Variants in ETV3L observed in about 807,000 individuals in gnomAD.
ETV3L encodes the protein ETS translocation variant 3-like protein.
ETV3L carries 30 observed loss-of-function variants against 27.6 expected under a neutral mutation model. The ratio of observed to expected loss-of-function variants is 1.09; its 90% CI spans 0.81 to 1.48. The LOEUF (loss-of-function observed/expected upper bound fraction) is 1.48. ETV3L is among the 40% of genes most tolerant of loss of function. The pLI, the probability that ETV3L is intolerant of heterozygous loss-of-function variation, is 0.00. For synonymous variants in ETV3L, 186 were observed against 188.9 expected, an observed-to-expected ratio of 0.98 and a Z score of 0.12; for missense variants, 443 against 455.6, an observed-to-expected ratio of 0.97 and a Z score of 0.25.
intron 3 of ETV3L, among the ~76,000 whole-genome samples, 195 bp downstream of exon 3, chr1:157,098,511 C>G (rs1354992527): frequency 1.3e-5 from 2 of 152,176 alleles, no homozygotes; most frequent in Non-Finnish European, 2.9e-5. Context: ...AGGAGCCACC[C>G]TTTCTCACAG....
At chr1:157,097,830 T>G in intron 4 of ETV3L, 38 bp downstream of exon 4, 15 of 1,610,538 alleles carry the variant, frequency 9.3e-6, no homozygotes, top group Non-Finnish European at 1.3e-5. Flanking sequence ...CTCCTCTGGC[T>G]AAGATCCCCC....
chr1:157,092,666 G>A lies in ETV3L; in HGVS notation c.1069C>T (p.Pro357Ser). ...CTCTCTAGTTAAGGAGGATCCAAGGGCCACACTGCTTTGAGGTTCTCCAGA... is the reference window on the plus strand; with the variant it reads ...CTCTCTAGTTAAGGAGGATCCAAGGACCACACTGCTTTGAGGTTCTCCAGA... ...PNLENLKAVWPLDPP is the reference protein window; with the variant it reads ...PNLENLKAVWSLDPP The change falls in exon 5 of 5, where the codon CCC (proline) becomes TCC (serine). Residue 357 changes from proline (P) to serine (S), a missense_variant. Pro to Ser is a moderately conservative substitution (Grantham distance 74, BLOSUM62 -1). Coordinates refer to ENST00000454449, the MANE Select transcript of ETV3L (RefSeq NM_001004341.2). 6.2e-7 allele frequency: 1 copy of A among 1,609,508 alleles called. No homozygotes were observed.
intron 1 of ETV3L, 31 bp from the exon 2 acceptor site, chr1:157,099,409 G>T: frequency 6.2e-7 from 1 of 1,614,022 alleles, no homozygotes; most frequent in Non-Finnish European, 8.5e-7. Flanking sequence ...GAGGGCTCTG[G>T]AGGCCCTGCC....
At chr1:157,096,164 GAGCTA>G (rs1421448004) in intron 4 of ETV3L, among the ~76,000 whole-genome samples, 1 of 152,114 alleles carries the variant, frequency 6.6e-6, no homozygotes, top group Non-Finnish European at 1.5e-5. Context: ...TACTCCCTCT[GAGCTA>G]AGCTGACACT....
chr1:157,094,585 C>A (rs1332226323), intron 4 of ETV3L, among the ~76,000 whole-genome samples: 2 of 152,202 alleles, frequency 1.3e-5, no homozygotes. Context: ...ATCAACCCAA[C>A]TTAGTCACAT....
chr1:157,097,038 GCCTGACACCTGTTT>G lies in ETV3L; in HGVS notation c.607+816_607+829del, dbSNP rs761331650. On this transcript the variant is annotated intron_variant, in intron 4 of 4. Coordinates refer to ENST00000454449, the MANE Select transcript of ETV3L (RefSeq NM_001004341.2). ...TAGCATGGCTTGTGCGGCCTCTGTG[GCCTGACACCTGTTT>G]GCCTTGCCAGCCCTGTCTCTCATCC... Among the ~76,000 whole-genome samples the G allele has an allele frequency of 5.3e-4, 81 of 152,240 alleles. 1 individual carries two copies. Among genetic ancestry groups the G allele is most frequent in the South Asian group, 1.0e-3 (5 of 4,814 alleles).
Position 157,099,666 on chromosome 1 carries a change from A to G in ETV3L, c.-143T>C. The G allele has an allele frequency of 9.7e-6, 7 of 719,348 alleles. No homozygotes were observed. The highest frequency in any genetic ancestry group is 1.4e-5 in the Non-Finnish European group (6 of 427,006). 44.6% of individuals were successfully genotyped at this position (719,348 alleles called of 1,614,324 possible). On this transcript the variant is annotated 5_prime_UTR_variant, in exon 1 of 5. Coordinates refer to ENST00000454449, the MANE Select transcript of ETV3L (RefSeq NM_001004341.2). ...AAAGAAGGAAGGAAGGGAGAGGGTC[A>G]GGAAAGAAAGAGAGAAAAGGGAAGG...
At position 157,092,775 on chromosome 1, in the gene ETV3L, T is replaced by G; in HGVS notation, c.960A>C (p.Ala320=). ...CCTCCCTGGGATCCAGGCCTCCCTTTGCCTCCATCATGGGAGCAGGCTTTA... is the reference window on the plus strand; with the variant it reads ...CCTCCCTGGGATCCAGGCCTCCCTTGGCCTCCATCATGGGAGCAGGCTTTA... ...LEVKPAPMME[A]KGGLDPREVF... is the part of the protein sequence containing the mutation. Residue 320 remains alanine, a synonymous_variant, in exon 5 of 5, where the codon GCA becomes GCC. Coordinates refer to ENST00000454449, the MANE Select transcript of ETV3L (RefSeq NM_001004341.2). 1 of 1,614,170 alleles carries G rather than the reference T, an allele frequency of 6.2e-7. No individual in the cohort carries two copies. The highest frequency in any genetic ancestry group is 8.5e-7 in the Non-Finnish European group (1 of 1,180,010).
Position 157,092,292 on chromosome 1 carries a change from C to T in ETV3L, c.*357G>A. 1 of 184,936 alleles carries T rather than the reference C, an allele frequency of 5.4e-6. No homozygotes were observed. Among genetic ancestry groups the T allele is most frequent in the East Asian group, 1.5e-4 (1 of 6,758 alleles). The allele number at this position is 184,936 out of a possible 1,614,324, so 11.5% of individuals were successfully genotyped here. A position where few individuals can be genotyped will look rare whatever the true frequency, so the allele number is the denominator to read the frequency against. On this transcript the variant is annotated 3_prime_UTR_variant, in exon 5 of 5. Transcript: ENST00000454449. The stretch of plus-strand genomic sequence containing the variant: ...TGGGCCCCAGACAAGACTCAGGGAA[C>T]ACAACCACCCCTGTCCTCTCCCCAG...
intron 4 of ETV3L, among the ~76,000 whole-genome samples, chr1:157,094,711 G>A (rs901134260): frequency 1.3e-5 from 2 of 152,192 alleles, no homozygotes; most frequent in South Asian, 2.1e-4. Context: ...TCAGGAGTTC[G>A]AGACCAGCCT....
intron 4 of ETV3L, among the ~76,000 whole-genome samples, chr1:157,094,579 A>G (rs553765054): frequency 1.3e-5 from 2 of 152,270 alleles, no homozygotes; most frequent in African/African-American, 4.8e-5. Flanking sequence ...ACAAGCATCA[A>G]CCCAACTTAG....
chr1:157,098,682 G>A, intron 3 of ETV3L, 24 bp downstream of exon 3: 1 of 1,547,170 alleles, frequency 6.5e-7, no homozygotes. Context: ...GGAGCCCTGA[G>A]ACAGGGGCCA....
chr1:157,097,858 G>A lies in ETV3L; in HGVS notation c.607+10C>T, dbSNP rs1281243347. The A allele has an allele frequency of 6.2e-7, 1 of 1,610,964 alleles. No homozygotes were observed. Among genetic ancestry groups the A allele is most frequent in the African/African-American group, 1.3e-5 (1 of 74,708 alleles). On this transcript the variant is annotated intron_variant, in intron 4 of 4. Transcript: ENST00000454449. The stretch of plus-strand genomic sequence containing the variant: ...GATCCCCCTGGGCCCTCCCAGCCTT[G>A]AGCACTCACGGTAGACGCTGCTGCT...
At chr1:157,097,122 C>A (rs772920167) in intron 4 of ETV3L, among the ~76,000 whole-genome samples, 6 of 152,076 alleles carry the variant, frequency 3.9e-5, no homozygotes, top group Middle Eastern at 3.4e-3. Flanking sequence ...TCTCCAACAG[C>A]AAACTACCAG....
chr1:157,099,442 G>A (rs375452315), intron 1 of ETV3L, 24 bp downstream of exon 1: 190 of 1,613,888 alleles, frequency 1.2e-4, no homozygotes, highest in African/African-American at 1.7e-4. Context: ...TGGAGCAGGG[G>A]GTAGGCCCGG....
chr1:157,094,508 C>T (rs74116969), intron 4 of ETV3L, among the ~76,000 whole-genome samples: 10,314 of 152,292 alleles, frequency 0.068, 461 homozygotes, highest in East Asian at 0.25. Context: ...TTCTGTATTT[C>T]GAAAAGCCTA....
In ETV3L at chr1:157,099,386, G is replaced by T. The variant is rs777706159; in HGVS notation, c.59-8C>A. On this transcript the variant is annotated splice_region_variant and splice_polypyrimidine_tract_variant and intron_variant, in intron 1 of 4. Transcript: ENST00000454449. ...AATCAGGGAAGGCCAACCCTGGGTG[G>T]AGAGGGGAGAGTGAGGGCTCTGGAG... 1 of 1,614,158 alleles carries T rather than the reference G, an allele frequency of 6.2e-7. No homozygotes were observed. The highest frequency in any genetic ancestry group is 1.7e-4 in the Middle Eastern group (1 of 6,060).
At chr1:157,093,872 G>C (rs893570478) in intron 4 of ETV3L, among the ~76,000 whole-genome samples, 18 of 152,108 alleles carry the variant, frequency 1.2e-4, no homozygotes, top group African/African-American at 4.4e-4. Context: ...CTAGGCGAGA[G>C]TGCCTGCTGC....
chr1:157,096,812 G>A (rs1265059052), intron 4 of ETV3L, among the ~76,000 whole-genome samples: 1 of 152,212 alleles, frequency 6.6e-6, no homozygotes, highest in East Asian at 1.9e-4. Context: ...CCAGTTACTT[G>A]GGAGGCTGAG....
Sources: allele counts gnomAD v4.1 joint callset (sites outside exome capture counted in the v4.1 genomes callset), GRCh38; gene constraint gnomAD v4.1.1; transcripts MANE v1.5; gene names NCBI Gene and HGNC (gene_info 2026-07-23, HGNC 2026-07-21).